FAM83B: variants seen among roughly 807,000 people sequenced by gnomAD.
The protein encoded by FAM83B is scaffolding CK1 anchoring protein B, also known as protein FAM83B.
Under a neutral mutation model 38.8 loss-of-function variants are expected in FAM83B, and 26 were observed. The ratio of observed to expected loss-of-function variants is 0.67; its 90% CI spans 0.49 to 0.93. FAM83B has a LOEUF of 0.93. Ranked by LOEUF, FAM83B falls within the 40% of genes least tolerant of loss-of-function variation. FAM83B has a pLI of 0.00. For missense variants in FAM83B, 1,237 were observed against 1,197.3 expected (o/e 1.03, Z -0.49); for synonymous variants, 419 against 423.1 (o/e 0.99, Z 0.12).
chr6:54,910,673 A>G (rs145231908), intron 2 of FAM83B, among the ~76,000 whole-genome samples: 16 of 152,304 alleles, frequency 1.1e-4, no homozygotes, highest in Non-Finnish European at 2.4e-4. Context: ...CTCACACTTC[A>G]GTAAATAGTC....
chr6:54,891,655 G>A (rs1772405816), intron 2 of FAM83B, among the ~76,000 whole-genome samples: 1 of 152,088 alleles, frequency 6.6e-6, no homozygotes. Flanking sequence ...ATAGTAGCTA[G>A]AAGAATGGAA....
chr6:54,941,732 A>G lies in FAM83B; in HGVS notation c.2761A>G (p.Ser921Gly). 1.2e-6 allele frequency: 2 copies of G among 1,614,166 alleles called. No individual in the cohort carries two copies. The highest frequency in any genetic ancestry group is 2.2e-5 in the East Asian group (1 of 44,880). The change falls in exon 5 of 5, where the codon AGT becomes GGT. Residue 921 changes from serine to glycine, a missense_variant. Coordinates refer to ENST00000306858, the MANE Select transcript of FAM83B (RefSeq NM_001010872.3). The part of the protein sequence containing the change: ...RPTSSPRPTS[S>G]ELLRSHSTDR... ...TACTTCTTCTCCAAGGCCAACGTCC[A>G]GTGAGCTTCTACGATCTCATTCAAC... is the stretch of plus-strand genomic sequence containing the variant.
intron 4 of FAM83B, among the ~76,000 whole-genome samples, chr6:54,932,007 C>CTTT (rs377085448): frequency 0.14 from 12,330 of 89,064 alleles, 1,877 homozygotes; most frequent in African/African-American, 0.33. Context: ...TTACATAAAA[C>CTTT]TTTTTTTTTT....
intron 2 of FAM83B, among the ~76,000 whole-genome samples, chr6:54,889,413 A>G (rs1000075802): frequency 6.6e-6 from 1 of 152,104 alleles, no homozygotes; most frequent in Admixed American, 6.6e-5. Flanking sequence ...TTTAAGCTAC[A>G]TACGATAAAT....
chr6:54,878,683 A>T (rs910750614), intron 2 of FAM83B, among the ~76,000 whole-genome samples: 1 of 152,174 alleles, frequency 6.6e-6, no homozygotes, highest in African/African-American at 2.4e-5. Context: ...GATCTTGGGG[A>T]TCCCCACTGG....
At chr6:54,894,405 C>T (rs761014434) in intron 2 of FAM83B, among the ~76,000 whole-genome samples, 1 of 151,918 alleles carries the variant, frequency 6.6e-6, no homozygotes, top group East Asian at 1.9e-4. Flanking sequence ...ATGATAGTCT[C>T]ATAGGTAAAT....
intron 2 of FAM83B, among the ~76,000 whole-genome samples, chr6:54,875,135 G>A (rs1771959977): frequency 6.6e-6 from 1 of 152,102 alleles, no homozygotes; most frequent in Non-Finnish European, 1.5e-5. Context: ...GAAAAGATAT[G>A]AAGCAAAAAT....
At chr6:54,893,235 A>G (rs1409028507) in intron 2 of FAM83B, among the ~76,000 whole-genome samples, 2 of 152,160 alleles carry the variant, frequency 1.3e-5, no homozygotes, top group Non-Finnish European at 2.9e-5. Flanking sequence ...TTATGCAGCA[A>G]TAGATAACTA....
chr6:54,853,471 T>C (rs1292154580), intron 1 of FAM83B, among the ~76,000 whole-genome samples: 1 of 152,114 alleles, frequency 6.6e-6, no homozygotes, highest in Non-Finnish European at 1.5e-5. Context: ...GACTTTTAAG[T>C]TGAAGCCACT....
At chr6:54,910,940 A>C (rs1485367063) in intron 2 of FAM83B, among the ~76,000 whole-genome samples, 1 of 152,198 alleles carries the variant, frequency 6.6e-6, no homozygotes, top group Non-Finnish European at 1.5e-5. Context: ...TATAATGATA[A>C]ACATGCAACA....
In FAM83B at chr6:54,870,211, G is replaced by T; in HGVS notation, c.-36G>T. 1 of 1,526,008 alleles carries T rather than the reference G, an allele frequency of 6.6e-7. No homozygotes were observed. Among genetic ancestry groups the T allele is most frequent in the South Asian group, 1.1e-5 (1 of 87,684 alleles). 94.5% of individuals were successfully genotyped at this position (1,526,008 alleles called of 1,614,324 possible). A position where few individuals can be genotyped will look rare whatever the true frequency, so the allele number is the denominator to read the frequency against. Reference sequence around the variant, plus strand: ...GATACTTCTCACCACTGCATGAATGGACATTTGAAAGTGCCATAGCCAAAC... The same window carrying T: ...GATACTTCTCACCACTGCATGAATGTACATTTGAAAGTGCCATAGCCAAAC... On this transcript the variant is annotated 5_prime_UTR_variant, in exon 2 of 5. Coordinates refer to ENST00000306858, the MANE Select transcript of FAM83B (RefSeq NM_001010872.3).
chr6:54,914,420 T>C (rs542486115), intron 2 of FAM83B, among the ~76,000 whole-genome samples: 1 of 152,286 alleles, frequency 6.6e-6, no homozygotes, highest in East Asian at 1.9e-4. Context: ...TCAAACCCAA[T>C]GAATTTGAAT....
intron 4 of FAM83B, among the ~76,000 whole-genome samples, chr6:54,938,780 A>G (rs1222214996): frequency 6.6e-6 from 1 of 152,000 alleles, no homozygotes; most frequent in African/African-American, 2.4e-5. Context: ...TGTTGGATGC[A>G]TAGTTTGCAA....
At position 54,903,702 on chromosome 6, in the gene FAM83B, TG is replaced by T. The variant is rs138847284; in HGVS notation, c.445-22668del. Among the ~76,000 whole-genome samples, 1,017 of 152,258 alleles carry T rather than the reference TG, an allele frequency of 6.7e-3. 14 individuals are homozygous for T. Among genetic ancestry groups the T allele is most frequent in the African/African-American group, 0.024 (982 of 41,558 alleles). ...ATCGTCTTCATAAAATCATCTCAAG[TG>T]TTTTTTTAACTCATTCTTTATTTTT... On this transcript the variant is annotated intron_variant, in intron 2 of 4. Coordinates refer to ENST00000306858, the MANE Select transcript of FAM83B (RefSeq NM_001010872.3).
At position 54,870,822 on chromosome 6, in the gene FAM83B, A is replaced by T. The variant is rs958934315; in HGVS notation, c.444+132A>T. The T allele has an allele frequency of 5.9e-5, 49 of 830,986 alleles. No individual in the cohort carries two copies. In the Admixed American group the frequency reaches 1.4e-3, roughly 24 times the overall value. 51.5% of individuals were successfully genotyped at this position (830,986 alleles called of 1,614,324 possible). On this transcript the variant is annotated intron_variant, in intron 2 of 4. Coordinates refer to ENST00000306858, the MANE Select transcript of FAM83B (RefSeq NM_001010872.3). ...CCATGCCTATTGTTTTTAGGAAAGTACCTATGGATACACAGGAAGGTTGTA... is the reference window on the plus strand; with the variant it reads ...CCATGCCTATTGTTTTTAGGAAAGTTCCTATGGATACACAGGAAGGTTGTA...
chr6:54,943,462 ATTAC>A lies in FAM83B; in HGVS notation c.*1459_*1462del. ...AGTGTTTGTACATCACTTTAAATAT[ATTAC>A]TTAATATATTCTAAGTTGCTGTGTG... On this transcript the variant is annotated 3_prime_UTR_variant, in exon 5 of 5. Transcript: ENST00000306858. 1 of 152,186 alleles carries A rather than the reference ATTAC, an allele frequency of 6.6e-6. No homozygotes were observed. Among genetic ancestry groups the A allele is most frequent in the East Asian group, 1.9e-4 (1 of 5,184 alleles). The allele number at this position is 152,186 out of a possible 1,614,324, so 9.4% of individuals were successfully genotyped here. A position where few individuals can be genotyped will look rare whatever the true frequency, so the allele number is the denominator to read the frequency against.
chr6:54,928,066 G>C (rs930130064), intron 4 of FAM83B, among the ~76,000 whole-genome samples: 2 of 152,200 alleles, frequency 1.3e-5, no homozygotes, highest in Non-Finnish European at 2.9e-5. Flanking sequence ...GATCAAAGCA[G>C]AACTGGCAAC....
At chr6:54,926,892 C>T (rs1246541630) in intron 3 of FAM83B, among the ~76,000 whole-genome samples, 2 of 151,992 alleles carry the variant, frequency 1.3e-5, no homozygotes, top group Admixed American at 6.6e-5. Context: ...CCACCATGCC[C>T]AGCTAATTTT....
At chr6:54,895,856 T>C (rs992247887) in intron 2 of FAM83B, among the ~76,000 whole-genome samples, 1 of 152,084 alleles carries the variant, frequency 6.6e-6, no homozygotes, top group African/African-American at 2.4e-5. Flanking sequence ...TTCTCCTGCC[T>C]CAGCCTCCTG....
Sources: allele counts gnomAD v4.1 joint callset (sites outside exome capture counted in the v4.1 genomes callset), GRCh38; gene constraint gnomAD v4.1.1; transcripts MANE v1.5; gene names NCBI Gene and HGNC (gene_info 2026-07-23, HGNC 2026-07-21).